GALNTL6: variants seen among roughly 807,000 people sequenced by gnomAD.
GALNTL6 encodes polypeptide N-acetylgalactosaminyltransferase-like 6.
GALNTL6 carries 46 observed loss-of-function variants against 73.7 expected under a neutral mutation model. The observed-to-expected ratio is 0.62, with a 90% confidence interval of 0.49 to 0.80. The LOEUF is 0.80. Among genes scored for constraint, GALNTL6 ranks in the 30% least tolerant of loss-of-function variants. GALNTL6 has a pLI of 0.00. For missense variants in GALNTL6, 604 were observed against 755.0 expected (o/e 0.80, Z 2.34); for synonymous variants, 259 against 263.7 (o/e 0.98, Z 0.17).
At chr4:172,693,537 T>C (rs1733450752) in intron 5 of GALNTL6, among the ~76,000 whole-genome samples, 1 of 152,192 alleles carries the variant, frequency 6.6e-6, no homozygotes. Flanking sequence ...ACAAATTAAA[T>C]ATCTCCCCAC....
chr4:172,247,122 A>G (rs1443966208), intron 3 of GALNTL6, among the ~76,000 whole-genome samples: 1 of 152,048 alleles, frequency 6.6e-6, no homozygotes, highest in African/African-American at 2.4e-5. Context: ...TCTCTTCTCT[A>G]TAAAGTCTTA....
At chr4:172,167,684 C>T (rs1388511428) in intron 2 of GALNTL6, among the ~76,000 whole-genome samples, 1 of 152,164 alleles carries the variant, frequency 6.6e-6, no homozygotes, top group South Asian at 2.1e-4. Flanking sequence ...TCTGGCCGGG[C>T]GCGGTGGCTC....
intron 2 of GALNTL6, among the ~76,000 whole-genome samples, chr4:172,203,463 A>G (rs1736017773): frequency 6.6e-6 from 1 of 152,182 alleles, no homozygotes; most frequent in South Asian, 2.1e-4. Flanking sequence ...TTAAAATTAA[A>G]TATTACAGAC....
intron 5 of GALNTL6, among the ~76,000 whole-genome samples, chr4:172,484,406 T>C (rs1240888200): frequency 2.0e-5 from 3 of 152,180 alleles, no homozygotes; most frequent in African/African-American, 7.2e-5. Context: ...GATATCAGTG[T>C]AACAGGAAGT....
intron 2 of GALNTL6, among the ~76,000 whole-genome samples, chr4:172,040,487 C>A (rs2110838491): frequency 6.6e-6 from 1 of 152,102 alleles, no homozygotes; most frequent in East Asian, 1.9e-4. Flanking sequence ...GAGTTACCCT[C>A]TTTCAGATGC....
intron 9 of GALNTL6, among the ~76,000 whole-genome samples, chr4:172,935,051 G>A (rs894254206): frequency 2.6e-4 from 40 of 152,340 alleles, no homozygotes; most frequent in African/African-American, 9.4e-4. Context: ...CATGTCAGAA[G>A]TGGAGAGCAG....
intron 3 of GALNTL6, among the ~76,000 whole-genome samples, chr4:172,309,061 C>T (rs1394862252): frequency 7.2e-6 from 1 of 139,680 alleles, no homozygotes; most frequent in Admixed American, 7.8e-5. Context: ...AACAGGGAAG[C>T]AAAGAAGATG....
At chr4:171,972,680 C>T (rs1298957095) in intron 2 of GALNTL6, among the ~76,000 whole-genome samples, 1 of 151,820 alleles carries the variant, frequency 6.6e-6, no homozygotes, top group Admixed American at 6.6e-5. Flanking sequence ...TGGACTTGAA[C>T]TAGCAATGTG....
chr4:171,916,627 A>G (rs1337059526), intron 2 of GALNTL6, among the ~76,000 whole-genome samples: 1 of 152,146 alleles, frequency 6.6e-6, no homozygotes, highest in Non-Finnish European at 1.5e-5. Context: ...GCCCCAAGTC[A>G]AAGTGTGAAG....
rs185228434 is a variant in GALNTL6 at position 171,833,331 on chromosome 4, T to C, written c.138+18613T>C. ...ATGGTATCTGTGAATGCATTCTTGG[T>C]TTTTAAATATCTTATTCCAATTTTA... On this transcript the variant is annotated intron_variant, in intron 2 of 12. Coordinates refer to ENST00000506823, the MANE Select transcript of GALNTL6 (RefSeq NM_001034845.3). 2.2e-4 allele frequency among the ~76,000 whole-genome samples: 34 copies of C among 151,842 alleles called. No homozygotes were observed. In the East Asian group the frequency reaches 6.6e-3, roughly 29 times the overall value.
Position 172,282,016 on chromosome 4 carries a change from A to G in GALNTL6, c.248-29598A>G, listed in dbSNP as rs1054114944. On this transcript the variant is annotated intron_variant, in intron 3 of 12. Coordinates refer to ENST00000506823, the MANE Select transcript of GALNTL6 (RefSeq NM_001034845.3). ...TGTCATAAAATTGAATTTTAAAATGACACAAAAAGTACTGGCTACAAAGAA... is the reference window on the plus strand; with the variant it reads ...TGTCATAAAATTGAATTTTAAAATGGCACAAAAAGTACTGGCTACAAAGAA... 2.0e-5 allele frequency among the ~76,000 whole-genome samples: 3 copies of G among 152,162 alleles called. No individual in the cohort carries two copies. In the East Asian group the frequency reaches 5.8e-4, roughly 29 times the overall value.
chr4:172,046,823 T>C (rs1007651117), intron 2 of GALNTL6, among the ~76,000 whole-genome samples: 1 of 152,184 alleles, frequency 6.6e-6, no homozygotes, highest in Non-Finnish European at 1.5e-5. Flanking sequence ...TTAGATTGTC[T>C]CTTTACTCTG....
At chr4:172,540,834 T>C (rs921197882) in intron 5 of GALNTL6, among the ~76,000 whole-genome samples, 1 of 152,172 alleles carries the variant, frequency 6.6e-6, no homozygotes, top group Non-Finnish European at 1.5e-5. Flanking sequence ...CCAAGGCCCT[T>C]GTTATATAGA....
intron 5 of GALNTL6, among the ~76,000 whole-genome samples, chr4:172,714,992 C>CAAA (rs34333805): frequency 1.3e-5 from 2 of 149,616 alleles, no homozygotes; most frequent in African/African-American, 2.5e-5. Flanking sequence ...ACATTTACTT[C>CAAA]AAAAAAAAAA....
At chr4:172,916,735 A>G (rs999802999) in intron 8 of GALNTL6, among the ~76,000 whole-genome samples, 1 of 151,862 alleles carries the variant, frequency 6.6e-6, no homozygotes, top group African/African-American at 2.4e-5. Flanking sequence ...CCACTGCTCA[A>G]TGAAATAAAA....
intron 5 of GALNTL6, among the ~76,000 whole-genome samples, chr4:172,798,024 T>C (rs576039057): frequency 6.6e-6 from 1 of 152,272 alleles, no homozygotes; most frequent in South Asian, 2.1e-4. Context: ...CTATGCAGCT[T>C]GGTGATTTAT....
At chr4:172,870,865 T>C (rs1744896188) in intron 7 of GALNTL6, among the ~76,000 whole-genome samples, 1 of 152,216 alleles carries the variant, frequency 6.6e-6, no homozygotes, top group South Asian at 2.1e-4. Context: ...GTAAATTCCA[T>C]GTAAACTTGT....
chr4:172,885,586 G>A (rs577612497), intron 8 of GALNTL6, among the ~76,000 whole-genome samples: 1 of 152,230 alleles, frequency 6.6e-6, no homozygotes, highest in South Asian at 2.1e-4. Flanking sequence ...AGGACTTCCA[G>A]AACTAGGTTG....
chr4:172,208,753 G>A (rs1459816886), intron 2 of GALNTL6, among the ~76,000 whole-genome samples: 1 of 152,048 alleles, frequency 6.6e-6, no homozygotes, highest in South Asian at 2.1e-4. Context: ...TTCCTGGTTT[G>A]GTCAAACTCT....
Sources: allele counts gnomAD v4.1 joint callset (sites outside exome capture counted in the v4.1 genomes callset), GRCh38; gene constraint gnomAD v4.1.1; transcripts MANE v1.5; gene names NCBI Gene and HGNC (gene_info 2026-07-23, HGNC 2026-07-21).